The following MYO16 variants were observed in gnomAD, a reference collection of about 807,000 sequenced individuals.
The protein encoded by MYO16 is unconventional myosin-XVI.
A neutral mutation model predicts 205.3 loss-of-function variants in MYO16; 94 were observed. The observed-to-expected ratio is 0.46, with a 90% CI of 0.39 to 0.54. MYO16 has a LOEUF of 0.54. Among genes scored for constraint, MYO16 ranks in the 20% least tolerant of loss-of-function variants. The pLI is 0.00. For missense variants in MYO16, 2,315 were observed against 2,387.5 expected (o/e 0.97, Z 0.63); for synonymous variants, 988 against 954.0 (o/e 1.04, Z -0.66).
At chr13:108,534,817 CTCCTCTTCT>C in the MYO16 span, among the ~76,000 whole-genome samples, 1 of 150,056 alleles carries the variant, frequency 6.7e-6, no homozygotes, top group Non-Finnish European at 1.5e-5. Flanking sequence ...CTTCCTCCTC[CTCCTCTTCT>C]TCCTCTTCTT....
intron 34 of MYO16, among the ~76,000 whole-genome samples, chr13:109,205,497 C>G (rs957285792): frequency 2.0e-5 from 3 of 152,176 alleles, no homozygotes; most frequent in Non-Finnish European, 4.4e-5. Flanking sequence ...AGTGCTGGAA[C>G]AAAGTAGTTA....
At position 109,120,417 on chromosome 13, in the gene MYO16, C is replaced by A. The variant is rs769619455; in HGVS notation, c.3486C>A (p.Leu1162=). The A allele has an allele frequency of 1.2e-6, 2 of 1,611,840 alleles. No individual in the cohort carries two copies. The highest frequency in any genetic ancestry group is 8.5e-7 in the Non-Finnish European group (1 of 1,179,162). Reference sequence around the variant, plus strand: ...TAAAATACTGGCATGCTGACCAACTCAATGATTTGTGCCTACAGTTGCAGA... The same window carrying A: ...TAAAATACTGGCATGCTGACCAACTAAATGATTTGTGCCTACAGTTGCAGA... ...VFLKYWHADQ[L]NDLCLQLQRK... Residue 1162 remains leucine, a synonymous_variant, in exon 29 of 35, where the codon CTC becomes CTA. Coordinates refer to ENST00000457511, the MANE Select transcript of MYO16 (RefSeq NM_001198950.3).
chr13:109,030,427 G>A (rs1886513556), intron 23 of MYO16, among the ~76,000 whole-genome samples: 1 of 152,026 alleles, frequency 6.6e-6, no homozygotes, highest in Admixed American at 6.6e-5. Flanking sequence ...TTGAATTCAA[G>A]GGTTTATCTC....
chr13:109,153,757 T>C (rs1167539623), intron 32 of MYO16, among the ~76,000 whole-genome samples: 1 of 151,788 alleles, frequency 6.6e-6, no homozygotes, highest in Non-Finnish European at 1.5e-5. Context: ...AGACTCTGTC[T>C]CAAAAAAAAA....
intron 15 of MYO16, among the ~76,000 whole-genome samples, chr13:108,905,199 G>A (rs1250513382): frequency 6.6e-6 from 1 of 152,084 alleles, no homozygotes; most frequent in Non-Finnish European, 1.5e-5. Context: ...TGTAAACTCA[G>A]GTGAATAGGT....
chr13:108,790,525 T>C (rs1339049249), intron 5 of MYO16, among the ~76,000 whole-genome samples: 2 of 152,202 alleles, frequency 1.3e-5, no homozygotes. Context: ...ATTTTGTACA[T>C]AAATGAGAAT....
At chr13:108,622,031 C>G (rs1879562318) in intron 1 of MYO16, among the ~76,000 whole-genome samples, 1 of 151,888 alleles carries the variant, frequency 6.6e-6, no homozygotes, top group Admixed American at 6.6e-5. Context: ...CACTGGGGAT[C>G]TTGGAAAGTG....
At chr13:108,530,212 G>T in the MYO16 span, among the ~76,000 whole-genome samples, 3 of 152,168 alleles carry the variant, frequency 2.0e-5, no homozygotes, top group African/African-American at 2.4e-5. Flanking sequence ...GAACTGGGAG[G>T]GTGAGAGTCC....
Position 108,848,803 on chromosome 13 carries a change from C to T in MYO16, c.1248+4310C>T, listed in dbSNP as rs1014109814. Among the ~76,000 whole-genome samples, 13 of 152,018 alleles carry T rather than the reference C, an allele frequency of 8.6e-5. No individual in the cohort carries two copies. The East Asian group carries it at 9.6e-4, about 11-fold the overall frequency. Reference sequence around the variant, plus strand: ...GCACTCCAGCATGTACTATAAAGTGCGAGCCTGTCTTGACGAAAAAAAGTT... The same window carrying T: ...GCACTCCAGCATGTACTATAAAGTGTGAGCCTGTCTTGACGAAAAAAAGTT... On this transcript the variant is annotated intron_variant, in intron 10 of 34. Transcript: ENST00000457511.
At chr13:108,582,108 T>A in the MYO16 span, among the ~76,000 whole-genome samples, 1 of 152,164 alleles carries the variant, frequency 6.6e-6, no homozygotes, top group Non-Finnish European at 1.5e-5. Flanking sequence ...AAGAAAAGAT[T>A]TTCCTAATTT....
At chr13:108,910,952 TTTA>T (rs1348360526) in intron 16 of MYO16, among the ~76,000 whole-genome samples, 1 of 151,858 alleles carries the variant, frequency 6.6e-6, no homozygotes, top group African/African-American at 2.4e-5. Context: ...TTATTGGGTG[TTTA>T]TTATTAGATC....
chr13:108,543,745 T>C, the MYO16 span, among the ~76,000 whole-genome samples: 101 of 148,102 alleles, frequency 6.8e-4, 1 homozygote, highest in Middle Eastern at 0.014. Flanking sequence ...TTTTTCTTTT[T>C]TTTTTTTTTT....
upstream of MYO16, among the ~76,000 whole-genome samples, chr13:108,593,892 G>A (rs1054617063): frequency 1.1e-4 from 17 of 152,172 alleles, no homozygotes; most frequent in African/African-American, 4.1e-4. Flanking sequence ...GCACAGAACA[G>A]CCTCTGACAC....
the MYO16 span, among the ~76,000 whole-genome samples, chr13:108,537,017 T>G: frequency 6.6e-6 from 1 of 152,136 alleles, no homozygotes; most frequent in Non-Finnish European, 1.5e-5. Flanking sequence ...GCAGTTTTCT[T>G]ACATGGATAC....
At chr13:108,997,411 GA>G in intron 21 of MYO16, among the ~76,000 whole-genome samples, 1 of 103,124 alleles carries the variant, frequency 9.7e-6, no homozygotes, top group South Asian at 3.4e-4. Context: ...AGAGTGGGAG[GA>G]AAGGAAAGGA....
At chr13:108,997,290 CAGAAAGAAAGAAAGAA>C (rs1200455422) in intron 21 of MYO16, among the ~76,000 whole-genome samples, 9 of 82,942 alleles carry the variant, frequency 1.1e-4, no homozygotes, top group African/African-American at 3.8e-4. Flanking sequence ...CAAGACCATG[CAGAAAGAAAGAAAGAA>C]AGAAAGAAAG....
At chr13:108,498,580 T>C in the MYO16 span, among the ~76,000 whole-genome samples, 1 of 152,184 alleles carries the variant, frequency 6.6e-6, no homozygotes, top group Non-Finnish European at 1.5e-5. Flanking sequence ...CTTTGAGATT[T>C]CCAGAGAGCA....
intron 4 of MYO16, among the ~76,000 whole-genome samples, chr13:108,774,618 A>AT (rs1594283770): frequency 3.3e-5 from 5 of 152,138 alleles, no homozygotes; most frequent in African/African-American, 9.6e-5. Context: ...CAAATACAGC[A>AT]TTTTTTTATT....
intron 1 of MYO16, among the ~76,000 whole-genome samples, chr13:108,617,162 C>T (rs1239514686): frequency 6.6e-6 from 1 of 152,100 alleles, no homozygotes; most frequent in African/African-American, 2.4e-5. Flanking sequence ...AGCAGTGATT[C>T]TCAGACTTAG....
Sources: allele counts gnomAD v4.1 joint callset (sites outside exome capture counted in the v4.1 genomes callset), GRCh38; gene constraint gnomAD v4.1.1; transcripts MANE v1.5; gene names NCBI Gene and HGNC (gene_info 2026-07-23, HGNC 2026-07-21).